Variants in KLF13 observed in about 807,000 individuals in gnomAD.
The protein encoded by KLF13 is Krueppel-like factor 13.
A neutral mutation model predicts 16.7 loss-of-function variants in KLF13; 8 were observed. The ratio of observed to expected loss-of-function variants is 0.48; its 90% confidence interval spans 0.28 to 0.87. The LOEUF is 0.87. Ranked by LOEUF, KLF13 falls within the 40% of genes least tolerant of loss-of-function variation. KLF13 has a pLI of 0.10. For synonymous variants in KLF13, 245 were observed against 208.4 expected, an observed-to-expected ratio of 1.18 and a Z score of -1.51; for missense variants, 447 against 452.2, an observed-to-expected ratio of 0.99 and a Z score of 0.10.
At chr15:31,338,779 T>C (rs1365424954) in intron 1 of KLF13, among the ~76,000 whole-genome samples, 2 of 152,102 alleles carry the variant, frequency 1.3e-5, no homozygotes, top group Non-Finnish European at 2.9e-5. Flanking sequence ...GGATGGGAAC[T>C]GAGCTCCTTG....
Position 31,374,222 on chromosome 15 carries a change from T to G in KLF13, c.*1923T>G, listed in dbSNP as rs561730766. 6.5e-6 allele frequency: 1 copy of G among 152,732 alleles called. No individual in the cohort carries two copies. The highest frequency in any genetic ancestry group is 1.9e-4 in the East Asian group (1 of 5,192). The allele number at this position is 152,732 out of a possible 1,614,324, so 9.5% of individuals were successfully genotyped here. On this transcript the variant is annotated 3_prime_UTR_variant, in exon 2 of 2. Transcript: ENST00000307145. ...GGTGCCCGCTTCTTACCACTGTGTG[T>G]CAGCTGGGATTGGCCGACAGCGTGG... is the stretch of plus-strand genomic sequence containing the variant.
chr15:31,371,960 T>C, intron 1 of KLF13, 50 bp from the exon 2 acceptor site: 1 of 1,532,630 alleles, frequency 6.5e-7, no homozygotes, highest in South Asian at 1.2e-5. Flanking sequence ...AGAGAGGGTG[T>C]GAAGGCGGGG....
chr15:31,335,447 G>T, intron 1 of KLF13, among the ~76,000 whole-genome samples: 1 of 88,020 alleles, frequency 1.1e-5, no homozygotes, highest in Admixed American at 1.0e-4. Flanking sequence ...GTGTGTGTGT[G>T]TGTGTGTGTG....
intron 1 of KLF13, among the ~76,000 whole-genome samples, chr15:31,348,221 T>C: frequency 6.6e-6 from 1 of 152,102 alleles, no homozygotes; most frequent in East Asian, 1.9e-4. Context: ...AGGATGACTG[T>C]GGAAGGTGAT....
chr15:31,377,561 C>G lies in KLF13; in HGVS notation c.*5262C>G, dbSNP rs2039669588. 2 of 152,704 alleles carry G rather than the reference C, an allele frequency of 1.3e-5. No individual in the cohort carries two copies. The highest frequency in any genetic ancestry group is 2.1e-4 in the South Asian group (1 of 4,818). The allele number at this position is 152,704 out of a possible 1,614,324, so 9.5% of individuals were successfully genotyped here. A position where few individuals can be genotyped will look rare whatever the true frequency, so the allele number is the denominator to read the frequency against. On this transcript the variant is annotated 3_prime_UTR_variant, in exon 2 of 2. Coordinates refer to ENST00000307145, the MANE Select transcript of KLF13 (RefSeq NM_015995.4). ...TTCTCTGGAATCATTTGCCAAAAGC[C>G]CAAGGCAGAATCCAAGGGTCCAAGA...
chr15:31,397,858 T>G (rs1456178924), intron 2 of KLF13, among the ~76,000 whole-genome samples: 1 of 135,278 alleles, frequency 7.4e-6, no homozygotes, highest in African/African-American at 3.0e-5. Flanking sequence ...ACTTCTCTGG[T>G]CTTTGGGGGT....
At chr15:31,344,336 CTTT>C (rs1320678420) in intron 1 of KLF13, among the ~76,000 whole-genome samples, 1 of 152,238 alleles carries the variant, frequency 6.6e-6, no homozygotes, top group Admixed American at 6.5e-5. Flanking sequence ...CTTCACCTGC[CTTT>C]TAAGCCAGGG....
chr15:31,340,279 G>C (rs2038999600), intron 1 of KLF13, among the ~76,000 whole-genome samples: 2 of 152,278 alleles, frequency 1.3e-5, no homozygotes, highest in Non-Finnish European at 2.9e-5. Context: ...AGCTGTGGCA[G>C]TTGCCAAGGG....
At chr15:31,416,593 GAAAAACACTTACCAAACT>G (rs1291510790) in intron 1 of KLF13, among the ~76,000 whole-genome samples, 1 of 151,940 alleles carries the variant, frequency 6.6e-6, no homozygotes, top group Non-Finnish European at 1.5e-5. Context: ...CTTTTCTTGA[GAAAAACACTTACCAAACT>G]AAAAACAAGG....
At chr15:31,421,296 A>G (rs990579272) in intron 1 of KLF13, among the ~76,000 whole-genome samples, 2 of 152,214 alleles carry the variant, frequency 1.3e-5, no homozygotes, top group African/African-American at 4.8e-5. Flanking sequence ...ACAAAAGGAC[A>G]CTTGACAGCA....
At chr15:31,353,590 C>A (rs1040114962) in intron 1 of KLF13, among the ~76,000 whole-genome samples, 1 of 152,248 alleles carries the variant, frequency 6.6e-6, no homozygotes, top group African/African-American at 2.4e-5. Flanking sequence ...CTCAGCTGAC[C>A]TCAGATTCCT....
intron 1 of KLF13, among the ~76,000 whole-genome samples, chr15:31,348,262 C>A (rs1357608542): frequency 1.3e-5 from 2 of 152,060 alleles, no homozygotes; most frequent in Non-Finnish European, 2.9e-5. Flanking sequence ...GCACAGGCGC[C>A]CCTCTTCAGC....
At chr15:31,380,258 C>T (rs754595628), downstream of KLF13, among the ~76,000 whole-genome samples, 6 of 152,188 alleles carry the variant, frequency 3.9e-5, no homozygotes, top group Non-Finnish European at 7.3e-5. Context: ...CGCAACTGCA[C>T]TTCAGCATGG....
intron 1 of KLF13, among the ~76,000 whole-genome samples, chr15:31,350,138 C>T (rs1259633840): frequency 3.3e-5 from 5 of 152,230 alleles, no homozygotes; most frequent in Admixed American, 6.5e-5. Flanking sequence ...GCATGCGGCC[C>T]CTGCTTTTAA....
At chr15:31,363,108 C>T (rs1013189374) in intron 1 of KLF13, among the ~76,000 whole-genome samples, 1 of 152,154 alleles carries the variant, frequency 6.6e-6, no homozygotes, top group Non-Finnish European at 1.5e-5. Context: ...TGCCAAATCG[C>T]CCTCCATGGA....
At chr15:31,352,205 A>C (rs2039227990) in intron 1 of KLF13, among the ~76,000 whole-genome samples, 1 of 152,198 alleles carries the variant, frequency 6.6e-6, no homozygotes, top group Non-Finnish European at 1.5e-5. Flanking sequence ...TCCCCTGGAC[A>C]CTGAGATCTT....
At chr15:31,380,598 ATAAC>A (rs1205064663), downstream of KLF13, among the ~76,000 whole-genome samples, 1 of 152,236 alleles carries the variant, frequency 6.6e-6, no homozygotes, top group African/African-American at 2.4e-5. Flanking sequence ...AAGGTCTTGA[ATAAC>A]AGACTAGGCG....
At chr15:31,364,515 C>T (rs1204321350) in intron 1 of KLF13, among the ~76,000 whole-genome samples, 1 of 152,240 alleles carries the variant, frequency 6.6e-6, no homozygotes, top group Non-Finnish European at 1.5e-5. Flanking sequence ...GGCCCCTTGG[C>T]CCATAGGTGA....
intron 1 of KLF13, among the ~76,000 whole-genome samples, chr15:31,434,435 C>G (rs967025480): frequency 5.9e-5 from 9 of 152,108 alleles, no homozygotes; most frequent in East Asian, 3.9e-4. Context: ...ACAGTACCCC[C>G]CAAGGGAGGT....
Sources: allele counts gnomAD v4.1 joint callset (sites outside exome capture counted in the v4.1 genomes callset), GRCh38; gene constraint gnomAD v4.1.1; transcripts MANE v1.5; gene names NCBI Gene and HGNC (gene_info 2026-07-23, HGNC 2026-07-21).